The following UGT1A10 variants were observed in gnomAD, a reference collection of about 807,000 sequenced individuals.
The protein encoded by UGT1A10 is UDP glucuronosyltransferase family 1 member A10, also known as UDP-glucuronosyltransferase 1A10.
UGT1A10 carries 49 observed loss-of-function variants against 45.8 expected under a neutral mutation model. The ratio of observed to expected loss-of-function variants is 1.07; its 90% CI spans 0.85 to 1.36. The LOEUF (loss-of-function observed/expected upper bound fraction) is 1.36, where lower values mean the gene tolerates loss of function less well. UGT1A10 is among the 40% of genes most tolerant of loss of function. The pLI is 0.00. For missense variants in UGT1A10, 745 were observed against 668.6 expected, an observed-to-expected ratio of 1.11 and a Z score of -1.26; for synonymous variants, 284 against 249.7, an observed-to-expected ratio of 1.14 and a Z score of -1.29.
intron 1 of UGT1A10, among the ~76,000 whole-genome samples, chr2:233,756,978 C>T (rs1696373948): frequency 1.3e-5 from 2 of 151,968 alleles, no homozygotes; most frequent in Admixed American, 1.3e-4. Context: ...ACGCAATGAA[C>T]AGTCATAGTA....
rs370849892 is a variant in UGT1A10, at chr2:233,653,550, C to G, written c.855+16173C>G. On this transcript the variant is annotated intron_variant, in intron 1 of 4. Coordinates refer to ENST00000344644, the MANE Select transcript of UGT1A10 (RefSeq NM_019075.4). ...GTCAGTCAGAAACCTCTATGGGTCA[C>G]CACCGCATACACAGTTGCTTAAAGT... Among the ~76,000 whole-genome samples, 9 of 152,302 alleles carry G rather than the reference C, an allele frequency of 5.9e-5. No homozygotes were observed. The East Asian group carries it at 1.7e-3, about 29-fold the overall frequency.
chr2:233,699,577 G>A (rs1442850819), intron 1 of UGT1A10, among the ~76,000 whole-genome samples: 1 of 152,206 alleles, frequency 6.6e-6, no homozygotes, highest in Non-Finnish European at 1.5e-5. Context: ...CTGGCTCTAG[G>A]ACATCCTTTC....
chr2:233,718,776 G>A, intron 1 of UGT1A10: 1 of 1,612,920 alleles, frequency 6.2e-7, no homozygotes, highest in Middle Eastern at 2.0e-4. Flanking sequence ...AATGTAGCAG[G>A]CACAGCGTGG....
chr2:233,768,515 C>T (rs548796271), intron 4 of UGT1A10, 76 bp downstream of exon 4: 42 of 1,546,024 alleles, frequency 2.7e-5, no homozygotes, highest in African/African-American at 1.8e-4. Context: ...AAAACATTTA[C>T]GTAGCATTTA....
intron 1 of UGT1A10, among the ~76,000 whole-genome samples, chr2:233,674,757 C>G (rs1221970573): frequency 6.6e-6 from 1 of 152,126 alleles, no homozygotes; most frequent in East Asian, 1.9e-4. Context: ...GTATTTATGA[C>G]TATACGTGTA....
chr2:233,732,623 T>G (rs1263936305), intron 1 of UGT1A10, among the ~76,000 whole-genome samples: 26 of 152,192 alleles, frequency 1.7e-4, no homozygotes, highest in Admixed American at 1.7e-3. Flanking sequence ...TGTAGATGTG[T>G]GGTGTTATTT....
intron 1 of UGT1A10, among the ~76,000 whole-genome samples, chr2:233,744,726 G>GA (rs1261964774): frequency 2.6e-5 from 4 of 151,822 alleles, no homozygotes; most frequent in African/African-American, 9.7e-5. Context: ...GAATGACGGT[G>GA]AAAAAATCAA....
At chr2:233,758,941 T>C (rs1697024496) in intron 1 of UGT1A10, among the ~76,000 whole-genome samples, 1 of 152,230 alleles carries the variant, frequency 6.6e-6, no homozygotes, top group Non-Finnish European at 1.5e-5. Flanking sequence ...TTCAAATCAG[T>C]CATCAGAATT....
chr2:233,724,146 G>A (rs2077176632), intron 1 of UGT1A10, among the ~76,000 whole-genome samples: 1 of 124,370 alleles, frequency 8.0e-6, no homozygotes, highest in Non-Finnish European at 1.7e-5. Flanking sequence ...CGGGGCGGCT[G>A]GCCGGGTGGG....
chr2:233,712,755 G>A (rs28898599), intron 1 of UGT1A10, among the ~76,000 whole-genome samples: 1,732 of 152,288 alleles, frequency 0.011, 28 homozygotes, highest in African/African-American at 0.04. Context: ...TCCCCAGAGC[G>A]AGCGCAAGGT....
At chr2:233,718,270 A>G (rs1323395079) in intron 1 of UGT1A10, among the ~76,000 whole-genome samples, 2 of 152,200 alleles carry the variant, frequency 1.3e-5, no homozygotes, top group Non-Finnish European at 2.9e-5. Context: ...GGTGTGAAAA[A>G]AGACCAAAAC....
In UGT1A10 at chr2:233,743,065, G is replaced by A. The variant is rs916889730; in HGVS notation, c.856-23969G>A. Reference sequence around the variant, plus strand: ...CCGTGTAGTCCCAACGATAAGAACAGGTGTTGGCATGAAGTGTTTATAAAT... The same window carrying A: ...CCGTGTAGTCCCAACGATAAGAACAAGTGTTGGCATGAAGTGTTTATAAAT... On this transcript the variant is annotated intron_variant, in intron 1 of 4. Coordinates refer to ENST00000344644, the MANE Select transcript of UGT1A10 (RefSeq NM_019075.4). 1.2e-5 allele frequency: 4 copies of A among 339,690 alleles called. No homozygotes were observed. The Admixed American group carries it at 1.2e-4, about 10-fold the overall frequency. The allele number at this position is 339,690 out of a possible 1,614,324, so 21.0% of individuals were successfully genotyped here.
At chr2:233,708,161 G>A (rs1416561336) in intron 1 of UGT1A10, among the ~76,000 whole-genome samples, 8 of 152,136 alleles carry the variant, frequency 5.3e-5, no homozygotes, top group Admixed American at 3.9e-4. Flanking sequence ...GGGAGTTGCC[G>A]GAAAATGGAC....
chr2:233,710,057 A>G (rs1374014159), intron 1 of UGT1A10, among the ~76,000 whole-genome samples: 1 of 152,246 alleles, frequency 6.6e-6, no homozygotes, highest in Admixed American at 6.5e-5. Context: ...TTGGCTCGGC[A>G]TAATGTCTCT....
intron 1 of UGT1A10, among the ~76,000 whole-genome samples, chr2:233,695,130 C>CTTTTTTTT (rs71398796): frequency 7.2e-6 from 1 of 138,840 alleles, no homozygotes; most frequent in Admixed American, 7.1e-5. Flanking sequence ...CTTTTCTTTT[C>CTTTTTTTT]TTTTTTTTTT....
At chr2:233,747,952 A>G in intron 1 of UGT1A10, 2 of 1,613,280 alleles carry the variant, frequency 1.2e-6, no homozygotes, top group Non-Finnish European at 1.7e-6. Flanking sequence ...TCAGTGGTGG[A>G]TCTTCTCAGC....
chr2:233,721,049 T>A (rs1041518517), intron 1 of UGT1A10, among the ~76,000 whole-genome samples: 1 of 152,122 alleles, frequency 6.6e-6, no homozygotes, highest in African/African-American at 2.4e-5. Flanking sequence ...GAGCCCTTTT[T>A]TGTCATATTC....
At position 233,651,119 on chromosome 2, in the gene UGT1A10, C is replaced by T. The variant is rs532557358; in HGVS notation, c.855+13742C>T. Among the ~76,000 whole-genome samples, 100 of 152,270 alleles carry T rather than the reference C, an allele frequency of 6.6e-4. 1 individual carries two copies. Among genetic ancestry groups the T allele is most frequent in the African/African-American group, 2.1e-3 (89 of 41,544 alleles). ...GCTTTCAGCTCTTGGCAAGAACAGG[C>T]GAGGAGATGCAAGCCTCTACAAGGC... On this transcript the variant is annotated intron_variant, in intron 1 of 4. Transcript: ENST00000344644.
At chr2:233,705,245 C>A (rs184957890) in intron 1 of UGT1A10, among the ~76,000 whole-genome samples, 1 of 151,984 alleles carries the variant, frequency 6.6e-6, no homozygotes, top group African/African-American at 2.4e-5. Context: ...TGTATGAATT[C>A]AGATTATTCT....
Sources: gnomAD v4.1 joint callset for allele counts (sites outside exome capture counted in the v4.1 genomes callset) on GRCh38, gnomAD v4.1.1 for gene constraint, MANE v1.5 for transcripts, NCBI Gene and HGNC (gene_info 2026-07-23, HGNC 2026-07-21) for gene names.